Variants in SPATS2 observed in about 807,000 individuals in gnomAD.
The protein encoded by SPATS2 is spermatogenesis associated serine rich 2.
SPATS2 carries 38 observed loss-of-function variants against 63.7 expected under a neutral mutation model. That is an observed-to-expected ratio of 0.60 (90% CI 0.46 to 0.78). SPATS2 has a LOEUF of 0.78. Ranked by LOEUF, SPATS2 falls within the 30% of genes least tolerant of loss-of-function variation. The probability of loss-of-function intolerance (pLI) is 0.00; values close to 1 mark genes in which losing one functional copy is unlikely to be tolerated. For missense variants in SPATS2, 588 were observed against 666.2 expected (o/e 0.88, Z 1.29); for synonymous variants, 207 against 232.9 (o/e 0.89, Z 1.01).
At chr12:49,498,143 AAAAT>A (rs1565751578) in intron 8 of SPATS2, among the ~76,000 whole-genome samples, 1 of 95,110 alleles carries the variant, frequency 1.1e-5, no homozygotes, top group Non-Finnish European at 2.0e-5. Flanking sequence ...AAAAAAAAAA[AAAAT>A]ATATATATAT....
At chr12:49,406,200 G>A (rs140996824) in intron 2 of SPATS2, among the ~76,000 whole-genome samples, 102 of 152,090 alleles carry the variant, frequency 6.7e-4, no homozygotes, top group African/African-American at 2.4e-3. Context: ...GGAGGATACT[G>A]ACATATATGT....
chr12:49,470,537 C>T (rs1182711539), intron 3 of SPATS2, among the ~76,000 whole-genome samples: 1 of 152,096 alleles, frequency 6.6e-6, no homozygotes, highest in Non-Finnish European at 1.5e-5. Context: ...CAAATTAAAA[C>T]AATAATAGAG....
chr12:49,437,505 C>T (rs1475802345), intron 2 of SPATS2, among the ~76,000 whole-genome samples: 4 of 152,164 alleles, frequency 2.6e-5, no homozygotes, highest in Admixed American at 6.5e-5. Context: ...TGTAGCGAGC[C>T]GAGATCACGC....
chr12:49,407,946 G>C (rs955867416), intron 2 of SPATS2, among the ~76,000 whole-genome samples: 1 of 152,206 alleles, frequency 6.6e-6, no homozygotes, highest in Admixed American at 6.5e-5. Context: ...AATGTTTGTT[G>C]TGTGGCCCTT....
chr12:49,516,157 AAAAAAAAAAATATATATATAT>A (rs1946838959), intron 10 of SPATS2, among the ~76,000 whole-genome samples: 1 of 43,888 alleles, frequency 2.3e-5, no homozygotes. Flanking sequence ...AAAAAAAAAA[AAAAAAAAAAATATATATATAT>A]ATATATATAT....
intron 9 of SPATS2, among the ~76,000 whole-genome samples, chr12:49,504,452 G>A (rs1338852248): frequency 6.6e-6 from 1 of 152,162 alleles, no homozygotes; most frequent in Non-Finnish European, 1.5e-5. Flanking sequence ...ATATTAAGGA[G>A]GCAGGATATG....
intron 2 of SPATS2, among the ~76,000 whole-genome samples, chr12:49,443,832 C>T (rs1233756619): frequency 6.6e-6 from 1 of 152,102 alleles, no homozygotes; most frequent in Non-Finnish European, 1.5e-5. Context: ...CAATTTTGTG[C>T]CCATTGATAT....
intron 6 of SPATS2, among the ~76,000 whole-genome samples, chr12:49,493,397 C>CTTTTTTTTTTTTTTTTTTT (rs577929812): frequency 7.2e-6 from 1 of 139,096 alleles, no homozygotes; most frequent in Non-Finnish European, 1.6e-5. Flanking sequence ...ACTGAAACAT[C>CTTTTTTTTTTTTTTTTTTT]TTTTTTTTTT....
chr12:49,449,695 A>G (rs945292166), intron 2 of SPATS2, among the ~76,000 whole-genome samples: 6 of 152,222 alleles, frequency 3.9e-5, no homozygotes, highest in African/African-American at 1.4e-4. Context: ...GAAGCAGGCA[A>G]GAAAGTTTGT....
At chr12:49,416,696 G>A (rs1381330865) in intron 2 of SPATS2, among the ~76,000 whole-genome samples, 1 of 151,972 alleles carries the variant, frequency 6.6e-6, no homozygotes, top group Admixed American at 6.6e-5. Context: ...TGTTGGCCAG[G>A]CTGGTCACGA....
chr12:49,400,536 T>C (rs1311523128), intron 2 of SPATS2, among the ~76,000 whole-genome samples: 1 of 151,998 alleles, frequency 6.6e-6, no homozygotes, highest in Non-Finnish European at 1.5e-5. Flanking sequence ...GCAATAGGGT[T>C]TGGAGTCTGG....
chr12:49,372,719 T>TA (rs1020764534), intron 2 of SPATS2, among the ~76,000 whole-genome samples: 13 of 150,226 alleles, frequency 8.7e-5, no homozygotes, highest in Admixed American at 1.3e-4. Flanking sequence ...CTGCATTCAT[T>TA]AAAAAAAAAA....
At chr12:49,430,758 T>C (rs1402286771) in intron 2 of SPATS2, among the ~76,000 whole-genome samples, 1 of 152,120 alleles carries the variant, frequency 6.6e-6, no homozygotes, top group African/African-American at 2.4e-5. Flanking sequence ...TGGAGTGCAG[T>C]GGCACCATAT....
chr12:49,465,241 CT>C (rs1347035358), intron 3 of SPATS2, among the ~76,000 whole-genome samples: 2 of 152,190 alleles, frequency 1.3e-5, no homozygotes, highest in Non-Finnish European at 2.9e-5. Flanking sequence ...GAGTGGACTT[CT>C]TTAACTTTGT....
rs565556525 is a variant in SPATS2, at chr12:49,503,048, G to T, written c.839+2843G>T. 7.2e-5 allele frequency among the ~76,000 whole-genome samples: 11 copies of T among 152,204 alleles called. 2 individuals carry two copies. The South Asian group carries it at 2.1e-3, about 29-fold the overall frequency. ...ATTCTTGTCATATAAGATATTGTTG[G>T]CTTGTTTAGAAAATAAAGAGCTGGC... is the stretch of plus-strand genomic sequence containing the variant. On this transcript the variant is annotated intron_variant, in intron 9 of 13. Transcript: ENST00000552918.
chr12:49,431,993 A>G (rs1476757388), intron 2 of SPATS2, among the ~76,000 whole-genome samples: 1 of 152,094 alleles, frequency 6.6e-6, no homozygotes, highest in Admixed American at 6.5e-5. Context: ...GACCTTGTCA[A>G]AAAAAACAAA....
intron 2 of SPATS2, chr12:49,389,547 A>G: frequency 2.0e-6 from 2 of 984,872 alleles, no homozygotes; most frequent in Non-Finnish European, 3.3e-6. Context: ...GCACTTGCTG[A>G]TGCTAAAACT....
At chr12:49,375,132 A>G in intron 2 of SPATS2, among the ~76,000 whole-genome samples, 1 of 138,828 alleles carries the variant, frequency 7.2e-6, no homozygotes, top group African/African-American at 2.7e-5. Context: ...GTATGATTGC[A>G]AGTTGTGGAG....
At chr12:49,498,430 T>C (rs923314200) in intron 8 of SPATS2, among the ~76,000 whole-genome samples, 1 of 152,254 alleles carries the variant, frequency 6.6e-6, no homozygotes, top group East Asian at 1.9e-4. Context: ...GGCTTCCTCA[T>C]ATATACAGTG....
Sources: allele counts gnomAD v4.1 joint callset (sites outside exome capture counted in the v4.1 genomes callset), GRCh38; gene constraint gnomAD v4.1.1; transcripts MANE v1.5; gene names NCBI Gene and HGNC (gene_info 2026-07-23, HGNC 2026-07-21).